The following MLIP variants were observed in gnomAD, a reference collection of about 807,000 sequenced individuals.
MLIP encodes the protein muscular LMNA interacting protein.
A neutral mutation model predicts 84.8 loss-of-function variants in MLIP; 79 were observed. The observed-to-expected ratio is 0.93, with a 90% CI of 0.78 to 1.12. MLIP has a LOEUF of 1.12. MLIP is among the 50% of genes most tolerant of loss of function. The probability of loss-of-function intolerance (pLI) is 0.00; values close to 1 mark genes in which losing one functional copy is unlikely to be tolerated. For synonymous variants in MLIP, 504 were observed against 463.0 expected (o/e 1.09, Z -1.14); for missense variants, 1,257 against 1,160.6 (o/e 1.08, Z -1.21).
In MLIP at chr6:54,143,721, T is replaced by C. The variant is rs531516445; in HGVS notation, c.2218-5335T>C. ...CCAGGCTTGTCTAGGACTTGAACCA[T>C]AGACGAAGAACTAAAAATTTGTGTT... On this transcript the variant is annotated intron_variant, in intron 4 of 13. Transcript: ENST00000502396. 3.0e-3 allele frequency among the ~76,000 whole-genome samples: 462 copies of C among 152,292 alleles called. 4 individuals carry two copies. Among genetic ancestry groups the C allele is most frequent in the Non-Finnish European group, 1.8e-3 (123 of 68,020 alleles).
intron 11 of MLIP, among the ~76,000 whole-genome samples, chr6:54,204,360 G>A (rs1187707055): frequency 1.3e-5 from 2 of 152,140 alleles, no homozygotes; most frequent in African/African-American, 2.4e-5. Context: ...TCTATTGCTT[G>A]TATGACACTA....
At position 54,137,472 on chromosome 6, in the gene MLIP, G is replaced by A; in HGVS notation, c.1403G>A (p.Ser468Asn). Reference sequence around the variant, plus strand: ...CCCACGCCTAAAAAATCTCTCTCAAGTTGTTCCCTGAGAGCCGGGTCACCA... The same window carrying A: ...CCCACGCCTAAAAAATCTCTCTCAAATTGTTCCCTGAGAGCCGGGTCACCA... Reference protein sequence around the residue: ...TPPTPKKSLSSCSLRAGSPDQ... With the variant: ...TPPTPKKSLSNCSLRAGSPDQ... Residue 468 changes from serine (S) to asparagine (N), a missense_variant, in exon 4 of 14, where the codon AGT (serine) becomes AAT (asparagine). Transcript: ENST00000502396. 2 of 1,535,946 alleles carry A rather than the reference G, an allele frequency of 1.3e-6. No homozygotes were observed. The highest frequency in any genetic ancestry group is 1.7e-6 in the Non-Finnish European group (2 of 1,146,878).
At position 54,065,634 on chromosome 6, in the gene MLIP, G is replaced by C. The variant is rs1247070564; in HGVS notation, c.63+46543G>C. 2.0e-5 allele frequency among the ~76,000 whole-genome samples: 2 copies of C among 98,940 alleles called. 1 individual carries two copies. Among genetic ancestry groups the C allele is most frequent in the Non-Finnish European group, 5.7e-5 (2 of 34,822 alleles). The allele number at this position is 98,940 out of a possible 152,430, so 64.9% of individuals were successfully genotyped here. The stretch of plus-strand genomic sequence containing the variant: ...TGCCTCTCTGGGATGCTTCAGGCAG[G>C]TCAATCTTAGACAGCATCTGAAGCG... On this transcript the variant is annotated intron_variant, in intron 1 of 12. Coordinates refer to the MLIP transcript ENST00000274897.
At chr6:54,034,943 A>G (rs1285551637) in intron 1 of MLIP, among the ~76,000 whole-genome samples, 1 of 152,058 alleles carries the variant, frequency 6.6e-6, no homozygotes, top group Non-Finnish European at 1.5e-5. Flanking sequence ...CTATATTTTT[A>G]CTGTACCTTT....
chr6:54,107,051 A>C (rs1769068778), upstream of MLIP, among the ~76,000 whole-genome samples: 1 of 152,176 alleles, frequency 6.6e-6, no homozygotes, highest in Non-Finnish European at 1.5e-5. Context: ...AGAGTGAACC[A>C]CATACACTTA....
At chr6:54,161,279 C>A (rs1187488688) in intron 8 of MLIP, among the ~76,000 whole-genome samples, 1 of 151,732 alleles carries the variant, frequency 6.6e-6, no homozygotes, top group East Asian at 1.9e-4. Flanking sequence ...TCTAGAGTTT[C>A]TTTTTCTTTT....
intron 12 of MLIP, among the ~76,000 whole-genome samples, chr6:54,251,849 T>TATATAATATAAATATATATTATAAC (rs1782559672): frequency 2.6e-5 from 2 of 76,202 alleles, no homozygotes; most frequent in Non-Finnish European, 4.3e-5. Flanking sequence ...TAACATATAA[T>TATATAATATAAATATATATTATAAC]ATATAATATA....
intron 1 of MLIP, among the ~76,000 whole-genome samples, chr6:54,025,431 C>A (rs993891723): frequency 6.6e-6 from 1 of 152,116 alleles, no homozygotes; most frequent in Non-Finnish European, 1.5e-5. Context: ...AAATCTCTGG[C>A]GGTAAGGTAC....
intron 12 of MLIP, among the ~76,000 whole-genome samples, chr6:54,254,742 CCCTTCCTT>C (rs372950271): frequency 2.9e-4 from 36 of 125,104 alleles, no homozygotes; most frequent in South Asian, 2.9e-4. Flanking sequence ...TTTTCTCCCT[CCCTTCCTT>C]CCTTCCTTCC....
chr6:54,255,684 C>A (rs1358845370), intron 12 of MLIP, among the ~76,000 whole-genome samples: 2 of 151,982 alleles, frequency 1.3e-5, no homozygotes, highest in Non-Finnish European at 2.9e-5. Flanking sequence ...TACTGAATAC[C>A]TGTATTAGAA....
rs116629280 is a variant in MLIP at position 54,042,916 on chromosome 6, G to A, written c.63+23825G>A. 4.1e-3 allele frequency among the ~76,000 whole-genome samples: 627 copies of A among 152,258 alleles called. 5 individuals carry two copies. Among genetic ancestry groups the A allele is most frequent in the African/African-American group, 0.014 (593 of 41,550 alleles). ...TAGTAATGAAATTTTTGCTGACATG[G>A]GAGGTAGGGAAGGAACCACGAGTAG... On this transcript the variant is annotated intron_variant, in intron 1 of 12. Coordinates refer to the MLIP transcript ENST00000274897.
In MLIP at chr6:54,087,837, CCA is replaced by C. The variant is rs1767605894; in HGVS notation, c.64-33608_64-33607del. ...TACTCTTTTTTTTTTTTTAACTCCTCCACTGTTTGAGATTCTTGCTCTTTGCC... is the reference window on the plus strand; with the variant it reads ...TACTCTTTTTTTTTTTTTAACTCCTCCTGTTTGAGATTCTTGCTCTTTGCC... On this transcript the variant is annotated intron_variant, in intron 1 of 12. Coordinates refer to the MLIP transcript ENST00000274897. 2.0e-5 allele frequency among the ~76,000 whole-genome samples: 3 copies of C among 149,324 alleles called. No individual in the cohort carries two copies. In the South Asian group the frequency reaches 6.3e-4, roughly 31 times the overall value.
Position 54,050,859 on chromosome 6 carries a change from CACTA to C in MLIP, c.63+31773_63+31776del, listed in dbSNP as rs560571044. 4.0e-3 allele frequency among the ~76,000 whole-genome samples: 602 copies of C among 152,268 alleles called. 2 individuals carry two copies. The highest frequency in any genetic ancestry group is 6.2e-3 in the Non-Finnish European group (420 of 68,012). On this transcript the variant is annotated intron_variant, in intron 1 of 12. Coordinates refer to the MLIP transcript ENST00000274897. ...TCTTCTCCTGATATTCTTCACCTAA[CACTA>C]ACTATTTTTATACGCTTATCTTTCA... is the stretch of plus-strand genomic sequence containing the variant.
chr6:54,198,425 G>A (rs1359488160), intron 10 of MLIP, among the ~76,000 whole-genome samples: 1 of 152,170 alleles, frequency 6.6e-6, no homozygotes, highest in Non-Finnish European at 1.5e-5. Flanking sequence ...TATTCCAAGA[G>A]AGACTTATGT....
rs141355980 is a variant in MLIP, at chr6:54,154,484, G to A, written c.2289+5357G>A. Among the ~76,000 whole-genome samples, 6 of 152,246 alleles carry A rather than the reference G, an allele frequency of 3.9e-5. No individual in the cohort carries two copies. In the East Asian group the frequency reaches 1.2e-3, roughly 29 times the overall value. The stretch of plus-strand genomic sequence containing the variant: ...GTGTATCAGACATTGAGCTAAGTGC[G>A]CTTTCATCTTCACAACTCTGTGAAG... On this transcript the variant is annotated intron_variant, in intron 5 of 13. Coordinates refer to ENST00000502396, the MANE Select transcript of MLIP (RefSeq NM_001281747.2).
In MLIP at chr6:54,137,421, T is replaced by A. The variant is rs1771909216; in HGVS notation, c.1352T>A (p.Leu451His). 1 of 1,535,984 alleles carries A rather than the reference T, an allele frequency of 6.5e-7. No homozygotes were observed. The change falls in exon 4 of 14, where the codon CTT (leucine) becomes CAT (histidine). Residue 451 changes from leucine (L) to histidine (H), a missense_variant. Leu to His is a moderately conservative substitution (Grantham distance 99, BLOSUM62 -3). Transcript: ENST00000502396. ...LNSPASSTLT[L>H]DQKEKQTPPT... ...TCCCCGGCCTCTTCCACGCTCACAC[T>A]TGACCAAAAAGAAAAGCAGACCCCA...
At chr6:54,190,045 T>G in intron 10 of MLIP, 131 bp downstream of exon 10, 1 of 643,294 alleles carries the variant, frequency 1.6e-6, no homozygotes, top group Non-Finnish European at 2.6e-6. Flanking sequence ...AATAACATTT[T>G]ACTGATATTT....
intron 9 of MLIP, among the ~76,000 whole-genome samples, chr6:54,175,175 A>G (rs143660913): frequency 1.1e-3 from 161 of 151,812 alleles, no homozygotes; most frequent in Middle Eastern, 6.8e-3. Flanking sequence ...TTGGAGTCAG[A>G]TAATGACTCC....
In MLIP at chr6:54,117,513, C is replaced by T. The variant is rs376853009; in HGVS notation, c.97-3934C>T. Among the ~76,000 whole-genome samples the T allele has an allele frequency of 4.0e-5, 6 of 151,788 alleles. No homozygotes were observed. The South Asian group carries it at 1.3e-3, about 32-fold the overall frequency. Reference sequence around the variant, plus strand: ...ACAGGCGTGAGCCACCGTGCCCGGCCCACTCTCACTATTTCTATTCCTCAC... The same window carrying T: ...ACAGGCGTGAGCCACCGTGCCCGGCTCACTCTCACTATTTCTATTCCTCAC... On this transcript the variant is annotated intron_variant, in intron 1 of 13. Transcript: ENST00000502396.
Sources: gnomAD v4.1 joint callset for allele counts (sites outside exome capture counted in the v4.1 genomes callset) on GRCh38, gnomAD v4.1.1 for gene constraint, MANE v1.5 for transcripts, NCBI Gene and HGNC (gene_info 2026-07-23, HGNC 2026-07-21) for gene names.